Variants in FABP6 observed in about 807,000 individuals in gnomAD.
FABP6 encodes fatty acid binding protein 6, also known as gastrotropin.
Under a neutral mutation model 14.9 loss-of-function variants are expected in FABP6, and 13 were observed. That is an observed-to-expected ratio of 0.87 (90% CI 0.57 to 1.39). FABP6 has a LOEUF of 1.39. FABP6 is among the 40% of genes most tolerant of loss of function. The pLI, the probability that FABP6 is intolerant of heterozygous loss-of-function variation, is 0.00. For synonymous variants in FABP6, 75 were observed against 63.6 expected (o/e 1.18, Z -0.85); for missense variants, 161 against 167.2 (o/e 0.96, Z 0.20).
intron 2 of FABP6, among the ~76,000 whole-genome samples, chr5:160,206,505 G>A (rs531867575): frequency 6.6e-6 from 1 of 152,092 alleles, no homozygotes; most frequent in South Asian, 2.1e-4. Context: ...TATACACAGA[G>A]AAAAGTATAC....
chr5:160,227,125 C>A (rs1036606547), upstream of FABP6, among the ~76,000 whole-genome samples: 1 of 152,180 alleles, frequency 6.6e-6, no homozygotes, highest in Non-Finnish European at 1.5e-5. Context: ...AGCTGTTGAA[C>A]AGGATATGAT....
At chr5:160,236,142 A>G (rs964212570) in intron 3 of FABP6, among the ~76,000 whole-genome samples, 3 of 151,608 alleles carry the variant, frequency 2.0e-5, no homozygotes, top group African/African-American at 4.9e-5. Flanking sequence ...AGCCTCCCCA[A>G]GTAGCTGGGA....
chr5:160,216,011 A>G (rs528696495), intron 3 of FABP6, among the ~76,000 whole-genome samples: 1 of 152,290 alleles, frequency 6.6e-6, no homozygotes, highest in Admixed American at 6.5e-5. Flanking sequence ...GGGGCCTGGG[A>G]AGCCAATGTG....
chr5:160,212,869 G>C (rs865944186), intron 2 of FABP6, among the ~76,000 whole-genome samples: 1 of 151,812 alleles, frequency 6.6e-6, no homozygotes, highest in African/African-American at 2.4e-5. Flanking sequence ...TGCCCGCCTC[G>C]GCCTCCCAAA....
intron 2 of FABP6, among the ~76,000 whole-genome samples, chr5:160,211,590 A>T (rs1292695553): frequency 6.6e-6 from 1 of 152,158 alleles, no homozygotes; most frequent in Non-Finnish European, 1.5e-5. Flanking sequence ...CAGTACTATA[A>T]GGATGAAGGA....
At chr5:160,193,399 G>A (rs1561738889) in intron 1 of FABP6, among the ~76,000 whole-genome samples, 1 of 152,096 alleles carries the variant, frequency 6.6e-6, no homozygotes, top group African/African-American at 2.4e-5. Flanking sequence ...ATTGCAAAGA[G>A]CAAAAGAACA....
At chr5:160,201,631 C>T (rs1468571436) in intron 2 of FABP6, among the ~76,000 whole-genome samples, 4 of 150,998 alleles carry the variant, frequency 2.6e-5, no homozygotes, top group Non-Finnish European at 5.9e-5. Context: ...GTGGGATTCC[C>T]TCTCCCCTTC....
chr5:160,228,846 C>T (rs1177465028), upstream of FABP6, among the ~76,000 whole-genome samples: 4 of 152,288 alleles, frequency 2.6e-5, no homozygotes, highest in East Asian at 1.9e-4. Context: ...ACTGTTCCCT[C>T]GTCCTAGAAT....
upstream of FABP6, among the ~76,000 whole-genome samples, chr5:160,228,076 C>T (rs577962974): frequency 1.7e-4 from 26 of 152,024 alleles, 1 homozygote; most frequent in East Asian, 1.9e-3. Flanking sequence ...AGGAAATAGA[C>T]GTGCAGAGGT....
intron 2 of FABP6, among the ~76,000 whole-genome samples, chr5:160,209,595 G>A (rs376315158): frequency 5.0e-4 from 76 of 152,306 alleles, no homozygotes; most frequent in African/African-American, 1.7e-3. Flanking sequence ...GCTCTGTACC[G>A]TCTTGGTATT....
chr5:160,193,569 G>A (rs1039487940), intron 1 of FABP6, among the ~76,000 whole-genome samples: 1 of 152,110 alleles, frequency 6.6e-6, no homozygotes, highest in African/African-American at 2.4e-5. Context: ...CAATCCCTGA[G>A]CTAGATACAA....
chr5:160,217,310 GA>G (rs1457576653), intron 3 of FABP6, among the ~76,000 whole-genome samples: 3 of 152,062 alleles, frequency 2.0e-5, no homozygotes, highest in Non-Finnish European at 4.4e-5. Flanking sequence ...TGAGATGGAG[GA>G]AAAAAATTAG....
intron 3 of FABP6, among the ~76,000 whole-genome samples, chr5:160,223,360 TCTTTCCCTCCC>T (rs1760170693): frequency 1.1e-5 from 1 of 94,070 alleles, no homozygotes; most frequent in Non-Finnish European, 2.2e-5. Context: ...CTTCCTTCCT[TCTTTCCCTCCC>T]TCCCTCCCTC....
At chr5:160,205,815 G>C (rs775924719) in intron 2 of FABP6, among the ~76,000 whole-genome samples, 3 of 152,322 alleles carry the variant, frequency 2.0e-5, no homozygotes, top group African/African-American at 7.2e-5. Flanking sequence ...GAATTAAGCA[G>C]AGTGGAGAAG....
intron 3 of FABP6, among the ~76,000 whole-genome samples, chr5:160,224,008 G>A (rs191756088): frequency 4.0e-5 from 6 of 151,880 alleles, no homozygotes; most frequent in East Asian, 2.0e-4. Flanking sequence ...AGGCCGAGGC[G>A]GGCAGATCAC....
chr5:160,207,214 C>T (rs1298126017), intron 2 of FABP6, among the ~76,000 whole-genome samples: 2 of 152,212 alleles, frequency 1.3e-5, no homozygotes, highest in Non-Finnish European at 2.9e-5. Flanking sequence ...GCAAGGGCCA[C>T]GAACCTAGAT....
At chr5:160,216,504 A>T (rs1377109809) in intron 3 of FABP6, among the ~76,000 whole-genome samples, 1 of 151,694 alleles carries the variant, frequency 6.6e-6, no homozygotes, top group Non-Finnish European at 1.5e-5. Flanking sequence ...CTGACCTCGG[A>T]TGATCCACCC....
At chr5:160,187,472 G>A (rs1759309784) in intron 1 of FABP6, 1 of 152,328 alleles carries the variant, frequency 6.6e-6, no homozygotes. Flanking sequence ...GACTGTCCAG[G>A]GAAGAGGGGA....
At chr5:160,208,666 G>A (rs929217262) in intron 2 of FABP6, among the ~76,000 whole-genome samples, 4 of 152,206 alleles carry the variant, frequency 2.6e-5, no homozygotes, top group Non-Finnish European at 5.9e-5. Context: ...TGTGGCTTAT[G>A]CCTATAATCT....
Sources: gnomAD v4.1 joint callset for allele counts (sites outside exome capture counted in the v4.1 genomes callset) on GRCh38, gnomAD v4.1.1 for gene constraint, MANE v1.5 for transcripts, NCBI Gene and HGNC (gene_info 2026-07-23, HGNC 2026-07-21) for gene names.